PALM2AKAP2: variants seen among roughly 807,000 people sequenced by gnomAD.
PALM2AKAP2 encodes the protein PALM2 and AKAP2 fusion.
Under a neutral mutation model 71.5 loss-of-function variants are expected in PALM2AKAP2, and 37 were observed. The ratio of observed to expected loss-of-function variants is 0.52; its 90% CI spans 0.40 to 0.68. The LOEUF (loss-of-function observed/expected upper bound fraction) is 0.68, where lower values mean the gene tolerates loss of function less well. Ranked by LOEUF, PALM2AKAP2 falls within the 30% of genes least tolerant of loss-of-function variation. The pLI is 0.00. For synonymous variants in PALM2AKAP2, 468 were observed against 478.8 expected (o/e 0.98, Z 0.29); for missense variants, 1,224 against 1,191.8 (o/e 1.03, Z -0.40).
chr9:109,938,315 T>C (rs957186545), intron 6 of PALM2AKAP2, among the ~76,000 whole-genome samples: 1 of 152,178 alleles, frequency 6.6e-6, no homozygotes, highest in Admixed American at 6.5e-5. Context: ...AAACGAAATA[T>C]TGCCTTTGGG....
chr9:109,835,603 A>G (rs1469717298), intron 1 of PALM2AKAP2, among the ~76,000 whole-genome samples: 2 of 152,160 alleles, frequency 1.3e-5, no homozygotes, highest in East Asian at 3.9e-4. Flanking sequence ...CAGGAAGCGC[A>G]AGGGGTCAGG....
rs552561896 is a variant in PALM2AKAP2 at position 110,050,610 on chromosome 9, TTTTTC to T, written c.156+1770_156+1774del. On this transcript the variant is annotated intron_variant, in intron 1 of 3. Transcript: ENST00000374525. Reference sequence around the variant, plus strand: ...GTTTTGACCCTTGGCCCTTTCTCTGTTTTTCTTTTCTTTTCTTTTTTTTTCTTTTC... The same window carrying T: ...GTTTTGACCCTTGGCCCTTTCTCTGTTTTTCTTTTCTTTTTTTTTCTTTTC... 6.3e-4 allele frequency among the ~76,000 whole-genome samples: 96 copies of T among 151,766 alleles called. 2 individuals carry two copies. The South Asian group carries it at 0.01, about 16-fold the overall frequency.
chr9:109,713,796 G>T (rs945482935), intron 1 of PALM2AKAP2, among the ~76,000 whole-genome samples: 2 of 152,148 alleles, frequency 1.3e-5, no homozygotes, highest in African/African-American at 2.4e-5. Context: ...GATTTTTAGG[G>T]CAGTGAAACT....
intron 1 of PALM2AKAP2, among the ~76,000 whole-genome samples, chr9:109,763,889 C>T (rs920024157): frequency 4.6e-5 from 7 of 152,082 alleles, no homozygotes; most frequent in African/African-American, 1.4e-4. Context: ...AAATCTCTTT[C>T]TCTTATGAAG....
chr9:109,658,635 G>T (rs1258192876), intron 1 of PALM2AKAP2, among the ~76,000 whole-genome samples: 1 of 152,150 alleles, frequency 6.6e-6, no homozygotes, highest in Non-Finnish European at 1.5e-5. Flanking sequence ...ACTCACAATT[G>T]CACACGGCTG....
chr9:109,742,958 C>T (rs758468783), intron 1 of PALM2AKAP2, among the ~76,000 whole-genome samples: 4 of 152,172 alleles, frequency 2.6e-5, no homozygotes, highest in Non-Finnish European at 5.9e-5. Context: ...CTGAGGGAAG[C>T]AGAGATAGAA....
At chr9:110,148,641 A>T (rs994659346) in intron 2 of PALM2AKAP2, 1 of 152,196 alleles carries the variant, frequency 6.6e-6, no homozygotes, top group South Asian at 2.1e-4. Flanking sequence ...TTGCAACCTT[A>T]TCCCAATGCT....
At chr9:110,018,702 A>C (rs978871331) in intron 7 of PALM2AKAP2, among the ~76,000 whole-genome samples, 1 of 152,186 alleles carries the variant, frequency 6.6e-6, no homozygotes, top group Non-Finnish European at 1.5e-5. Flanking sequence ...TCTTAATGCC[A>C]GTTCCTTCTC....
At chr9:109,944,937 T>C (rs186406874) in intron 6 of PALM2AKAP2, 1 of 152,308 alleles carries the variant, frequency 6.6e-6, no homozygotes, top group East Asian at 1.9e-4. Context: ...TATGAATTAT[T>C]CATAAAATTA....
chr9:110,083,001 T>C lies in PALM2AKAP2; in HGVS notation c.156+34146T>C, dbSNP rs1291431560. 3.3e-5 allele frequency among the ~76,000 whole-genome samples: 5 copies of C among 151,832 alleles called. No individual in the cohort carries two copies. In the South Asian group the frequency reaches 1.0e-3, roughly 32 times the overall value. ...TACTAAAAATACAAAATTAGCCAGGTGTGGTGGCGCGTGCCTGTAATCCCA... is the reference window on the plus strand; with the variant it reads ...TACTAAAAATACAAAATTAGCCAGGCGTGGTGGCGCGTGCCTGTAATCCCA... On this transcript the variant is annotated intron_variant, in intron 1 of 3. Transcript: ENST00000374525.
intron 2 of PALM2AKAP2, among the ~76,000 whole-genome samples, chr9:110,151,793 C>G (rs896500821): frequency 6.6e-6 from 1 of 152,234 alleles, no homozygotes; most frequent in Non-Finnish European, 1.5e-5. Flanking sequence ...TGGTTCCTTA[C>G]GTTCCTTATA....
At chr9:109,927,748 C>A (rs1830989789) in intron 5 of PALM2AKAP2, among the ~76,000 whole-genome samples, 1 of 152,182 alleles carries the variant, frequency 6.6e-6, no homozygotes. Flanking sequence ...CCACTCTCCT[C>A]CCCCGCCAAC....
chr9:109,994,273 A>C (rs1486388449), intron 6 of PALM2AKAP2, among the ~76,000 whole-genome samples: 1 of 152,194 alleles, frequency 6.6e-6, no homozygotes. Context: ...GCAGAGGAAG[A>C]CTTTGGGATG....
At chr9:109,781,481 G>A (rs945123142) in intron 1 of PALM2AKAP2, among the ~76,000 whole-genome samples, 10 of 152,240 alleles carry the variant, frequency 6.6e-5, no homozygotes, top group African/African-American at 2.2e-4. Flanking sequence ...GTGTTTTTCA[G>A]TTCGGAAGTT....
chr9:109,823,191 A>G (rs1828056681), intron 1 of PALM2AKAP2, among the ~76,000 whole-genome samples: 1 of 152,002 alleles, frequency 6.6e-6, no homozygotes, highest in African/African-American at 2.4e-5. Context: ...ACATGGCCAA[A>G]GCTATCTAAT....
intron 6 of PALM2AKAP2, chr9:109,943,429 C>T: frequency 1.2e-6 from 2 of 1,601,328 alleles, no homozygotes; most frequent in Non-Finnish European, 1.7e-6. Context: ...CATGTGACCA[C>T]TTCTTTCTTC....
At chr9:109,933,338 A>G (rs751592654) in intron 6 of PALM2AKAP2, among the ~76,000 whole-genome samples, 3 of 152,212 alleles carry the variant, frequency 2.0e-5, no homozygotes, top group Non-Finnish European at 2.9e-5. Flanking sequence ...TTTAAGAGTG[A>G]CACCCCTTCC....
At chr9:110,120,891 C>T (rs747137405) in intron 1 of PALM2AKAP2, among the ~76,000 whole-genome samples, 1 of 152,058 alleles carries the variant, frequency 6.6e-6, no homozygotes, top group Non-Finnish European at 1.5e-5. Flanking sequence ...GGGCGAAGGC[C>T]GGGAGTTGAC....
At chr9:109,971,283 CTTTTTTTTTTTTTTT>C (rs11392589) in intron 6 of PALM2AKAP2, among the ~76,000 whole-genome samples, 4 of 45,680 alleles carry the variant, frequency 8.8e-5, no homozygotes, top group African/African-American at 5.0e-4. Flanking sequence ...CTCTTAGTCC[CTTTTTTTTTTTTTTT>C]TTTTTTTTTT....
Sources: gnomAD v4.1 joint callset for allele counts (sites outside exome capture counted in the v4.1 genomes callset) on GRCh38, gnomAD v4.1.1 for gene constraint, MANE v1.5 for transcripts, NCBI Gene and HGNC (gene_info 2026-07-23, HGNC 2026-07-21) for gene names.